Variants in RSRC1 observed in about 807,000 individuals in gnomAD.
RSRC1 encodes arginine and serine rich coiled-coil 1, also known as serine/Arginine-related protein 53.
Under a neutral mutation model 49.1 loss-of-function variants are expected in RSRC1, and 39 were observed. The ratio of observed to expected loss-of-function variants is 0.79; its 90% CI spans 0.61 to 1.04. RSRC1 has a LOEUF of 1.04. Ranked by LOEUF, RSRC1 falls within the 50% of genes least tolerant of loss-of-function variation. The pLI is 0.00. For synonymous variants in RSRC1, 143 were observed against 130.8 expected (o/e 1.09, Z -0.63); for missense variants, 388 against 402.4 (o/e 0.96, Z 0.31).
intron 4 of RSRC1, among the ~76,000 whole-genome samples, chr3:158,244,863 C>T (rs577912700): frequency 6.6e-5 from 10 of 151,960 alleles, no homozygotes; most frequent in South Asian, 2.1e-4. Context: ...GGACGATATA[C>T]GTGTTCAAGA....
chr3:158,343,122 C>G (rs1730348455), intron 5 of RSRC1, among the ~76,000 whole-genome samples: 1 of 152,170 alleles, frequency 6.6e-6, no homozygotes, highest in Admixed American at 6.5e-5. Flanking sequence ...TGGGAAATAG[C>G]CACCTAAAAT....
chr3:158,117,070 A>G (rs1714884013), intron 1 of RSRC1, among the ~76,000 whole-genome samples: 1 of 152,100 alleles, frequency 6.6e-6, no homozygotes. Context: ...ATTTGGCTGG[A>G]TAGAGATTCT....
intron 3 of RSRC1, among the ~76,000 whole-genome samples, chr3:158,154,185 T>TA: frequency 1.3e-5 from 2 of 151,636 alleles, no homozygotes; most frequent in South Asian, 4.2e-4. Context: ...GCATTGTGTT[T>TA]AAAAAACAAT....
chr3:158,468,573 G>A (rs1217652813), intron 7 of RSRC1, among the ~76,000 whole-genome samples: 1 of 152,128 alleles, frequency 6.6e-6, no homozygotes, highest in Non-Finnish European at 1.5e-5. Flanking sequence ...CTTAACTCAT[G>A]CCTCTGTTGC....
chr3:158,179,295 T>C (rs1217403637), intron 3 of RSRC1, among the ~76,000 whole-genome samples: 2 of 152,220 alleles, frequency 1.3e-5, no homozygotes, highest in African/African-American at 2.4e-5. Context: ...AACTGTAGTA[T>C]GGTATCACAA....
intron 4 of RSRC1, among the ~76,000 whole-genome samples, chr3:158,240,184 A>AT (rs1318428408): frequency 5.9e-5 from 9 of 152,124 alleles, no homozygotes; most frequent in Admixed American, 6.5e-5. Flanking sequence ...TACAGTTATT[A>AT]TTTTTTATCA....
rs1010560108 is a variant in RSRC1, at chr3:158,151,453, T to C, written c.320+27462T>C. On this transcript the variant is annotated intron_variant, in intron 3 of 9. Transcript: ENST00000611884. ...TCTTGCGACTTGCTTCCTGACTAGGTCAGAAAGCTTTTGTAGTGTTCATGA... is the reference window on the plus strand; with the variant it reads ...TCTTGCGACTTGCTTCCTGACTAGGCCAGAAAGCTTTTGTAGTGTTCATGA... Among the ~76,000 whole-genome samples, 8 of 152,232 alleles carry C rather than the reference T, an allele frequency of 5.3e-5. No homozygotes were observed. In the South Asian group the frequency reaches 1.7e-3, roughly 32 times the overall value.
At chr3:158,333,874 G>T (rs1202419829) in intron 5 of RSRC1, among the ~76,000 whole-genome samples, 2 of 152,122 alleles carry the variant, frequency 1.3e-5, no homozygotes, top group East Asian at 3.9e-4. Flanking sequence ...ACAAAATAAA[G>T]AAGTTGAAAG....
intron 4 of RSRC1, among the ~76,000 whole-genome samples, chr3:158,250,493 T>G (rs1724147231): frequency 6.6e-6 from 1 of 152,220 alleles, no homozygotes; most frequent in Non-Finnish European, 1.5e-5. Context: ...GTCTGTCTTT[T>G]GGATAAAAGC....
At chr3:158,201,567 T>C (rs1721047249) in intron 3 of RSRC1, among the ~76,000 whole-genome samples, 1 of 152,318 alleles carries the variant, frequency 6.6e-6, no homozygotes, top group Non-Finnish European at 1.5e-5. Context: ...TAATTCTTCA[T>C]ATTGGGTAAT....
At chr3:158,235,303 C>T (rs1325649083) in intron 4 of RSRC1, among the ~76,000 whole-genome samples, 1 of 152,044 alleles carries the variant, frequency 6.6e-6, no homozygotes, top group African/African-American at 2.4e-5. Context: ...ACCCTGATTA[C>T]TTTTGGTCAG....
At position 158,537,093 on chromosome 3, in the gene RSRC1, C is replaced by G. The variant is rs1159584838; in HGVS notation, c.654C>G (p.Asp218Glu). The G allele has an allele frequency of 6.2e-7, 1 of 1,606,984 alleles. No individual in the cohort carries two copies. Among genetic ancestry groups the G allele is most frequent in the Admixed American group, 1.7e-5 (1 of 59,590 alleles). Reference sequence around the variant, plus strand: ...CTGACATTATACCCTCTTTTTCAGACCAAGCCACCCTGGTAGAACAAGTAA... The same window carrying G: ...CTGACATTATACCCTCTTTTTCAGAGCAAGCCACCCTGGTAGAACAAGTAA... ...EEEAKRRKEE[D>E]QATLVEQVKR... Residue 218 changes from aspartate (D) to glutamate (E), a missense_variant and splice_region_variant, in exon 8 of 10, where the codon GAC (aspartate) becomes GAG (glutamate). Coordinates refer to ENST00000611884, the MANE Select transcript of RSRC1 (RefSeq NM_001271838.2).
chr3:158,500,073 A>G (rs1163444789), intron 7 of RSRC1, among the ~76,000 whole-genome samples: 1 of 152,154 alleles, frequency 6.6e-6, no homozygotes, highest in Non-Finnish European at 1.5e-5. Context: ...TTTAATCATA[A>G]AGTGATGCTG....
chr3:158,423,487 G>C (rs1192151748), intron 6 of RSRC1, among the ~76,000 whole-genome samples: 1 of 152,116 alleles, frequency 6.6e-6, no homozygotes, highest in Non-Finnish European at 1.5e-5. Context: ...TAGCCTTGTA[G>C]TATAGTTTGA....
At chr3:158,208,351 G>A (rs1419532515) in intron 4 of RSRC1, among the ~76,000 whole-genome samples, 1 of 151,990 alleles carries the variant, frequency 6.6e-6, no homozygotes, top group South Asian at 2.1e-4. Context: ...CAGAGCAACT[G>A]TATTTCTTTT....
chr3:158,281,157 T>C (rs1259569156), intron 4 of RSRC1, among the ~76,000 whole-genome samples: 1 of 152,124 alleles, frequency 6.6e-6, no homozygotes, highest in Non-Finnish European at 1.5e-5. Flanking sequence ...GACTAACTGA[T>C]AGATTGTATT....
intron 1 of RSRC1, among the ~76,000 whole-genome samples, chr3:158,115,373 A>C (rs1714732106): frequency 6.6e-6 from 1 of 151,650 alleles, no homozygotes; most frequent in Admixed American, 6.6e-5. Context: ...CCTTACTCAG[A>C]GATGTAGTAT....
intron 7 of RSRC1, among the ~76,000 whole-genome samples, chr3:158,505,201 A>G (rs1739796164): frequency 6.6e-6 from 1 of 152,142 alleles, no homozygotes; most frequent in South Asian, 2.1e-4. Context: ...TCTTTTATTT[A>G]TGACTTTCAT....
chr3:158,129,083 G>A (rs1715819525), intron 3 of RSRC1, among the ~76,000 whole-genome samples: 1 of 151,824 alleles, frequency 6.6e-6, no homozygotes, highest in Non-Finnish European at 1.5e-5. Context: ...AGATATCTTG[G>A]GAGAGATATT....
Sources: gnomAD v4.1 joint callset for allele counts (sites outside exome capture counted in the v4.1 genomes callset) on GRCh38, gnomAD v4.1.1 for gene constraint, MANE v1.5 for transcripts, NCBI Gene and HGNC (gene_info 2026-07-23, HGNC 2026-07-21) for gene names.